TLE4: variants seen among roughly 807,000 people sequenced by gnomAD.
TLE4 encodes transducin-like enhancer protein 4.
TLE4 carries 8 observed loss-of-function variants against 92.8 expected under a neutral mutation model. That is an observed-to-expected ratio of 0.09 (90% CI 0.05 to 0.16). TLE4 has a LOEUF of 0.16. Ranked by LOEUF, TLE4 falls within the 10% of genes least tolerant of loss-of-function variation. TLE4 has a pLI of 1.00. For synonymous variants in TLE4, 371 were observed against 374.1 expected (o/e 0.99, Z 0.10); for missense variants, 675 against 997.6 (o/e 0.68, Z 4.36).
At chr9:79,718,615 A>G in intron 14 of TLE4, 107 bp from the exon 15 acceptor site, 3 of 1,422,810 alleles carry the variant, frequency 2.1e-6, no homozygotes, top group Non-Finnish European at 2.8e-6. Flanking sequence ...TTGTTCGTAA[A>G]TCACAAGTGG....
At chr9:79,631,161 T>C (rs565875998) in intron 6 of TLE4, among the ~76,000 whole-genome samples, 1 of 152,296 alleles carries the variant, frequency 6.6e-6, no homozygotes, top group Non-Finnish European at 1.5e-5. Flanking sequence ...TTGCCATCAA[T>C]TGTGAAGGCA....
chr9:79,591,219 TG>T (rs1183005000), intron 4 of TLE4, among the ~76,000 whole-genome samples: 1 of 152,214 alleles, frequency 6.6e-6, no homozygotes, highest in Non-Finnish European at 1.5e-5. Flanking sequence ...GGGGTCTTTC[TG>T]GCTCCTTGAG....
chr9:79,692,939 C>T (rs1000435094), intron 8 of TLE4, among the ~76,000 whole-genome samples: 2 of 152,098 alleles, frequency 1.3e-5, no homozygotes, highest in African/African-American at 2.4e-5. Context: ...TCCTTATCTC[C>T]GTTTTATAGG....
rs151306021 is a variant in TLE4 at position 79,632,411 on chromosome 9, C to T, written c.390+4963C>T. Among the ~76,000 whole-genome samples the T allele has an allele frequency of 3.4e-3, 521 of 152,228 alleles. 1 individual carries two copies. The highest frequency in any genetic ancestry group is 9.2e-3 in the Admixed American group (140 of 15,290). On this transcript the variant is annotated intron_variant, in intron 6 of 19. Transcript: ENST00000376552. ...TTCCGTGGTTCACTATTCATAGGCC[C>T]GTACTCCTGTTCTGTGATCATTTCA... is the stretch of plus-strand genomic sequence containing the variant.
At chr9:79,669,237 C>G (rs1341843168) in intron 8 of TLE4, among the ~76,000 whole-genome samples, 1 of 152,048 alleles carries the variant, frequency 6.6e-6, no homozygotes, top group East Asian at 1.9e-4. Context: ...AGAGATAGGT[C>G]CCTCTGAACA....
chr9:79,720,015 A>T (rs765811422), intron 15 of TLE4, 31 bp from the exon 16 acceptor site: 110 of 1,578,268 alleles, frequency 7.0e-5, no homozygotes, highest in Middle Eastern at 3.4e-4. Context: ...TTTCCTCATG[A>T]GTAATCTCTT....
intron 6 of TLE4, among the ~76,000 whole-genome samples, chr9:79,648,592 G>C (rs1037168888): frequency 6.6e-6 from 1 of 152,154 alleles, no homozygotes; most frequent in African/African-American, 2.4e-5. Flanking sequence ...AAGCAGTAAG[G>C]GTTCATTGTA....
chr9:79,583,265 T>C (rs142055527), intron 4 of TLE4, among the ~76,000 whole-genome samples: 7 of 152,224 alleles, frequency 4.6e-5, no homozygotes, highest in Admixed American at 4.6e-4. Context: ...CATCCAGGGG[T>C]GACACATGGG....
At chr9:79,574,435 T>C (rs1174286927) in intron 2 of TLE4, among the ~76,000 whole-genome samples, 1 of 152,214 alleles carries the variant, frequency 6.6e-6, no homozygotes, top group Non-Finnish European at 1.5e-5. Context: ...CAAGATATCA[T>C]TCATAAGACA....
intron 5 of TLE4, among the ~76,000 whole-genome samples, chr9:79,617,854 T>C (rs2050025135): frequency 6.6e-6 from 1 of 151,756 alleles, no homozygotes; most frequent in African/African-American, 2.4e-5. Context: ...AAAAAGCTTG[T>C]TTCTCTCTCA....
chr9:79,718,077 C>G (rs978123234), intron 14 of TLE4: 1 of 456,376 alleles, frequency 2.2e-6, no homozygotes, highest in Non-Finnish European at 4.4e-6. Context: ...CACAGGTAGG[C>G]CTTTGGGGCT....
intron 8 of TLE4, among the ~76,000 whole-genome samples, chr9:79,654,741 G>A (rs2059526439): frequency 6.6e-6 from 1 of 152,142 alleles, no homozygotes; most frequent in Non-Finnish European, 1.5e-5. Context: ...ATGTGCTAAG[G>A]ATACCTGAAG....
rs375635292 is a variant in TLE4 at position 79,621,591 on chromosome 9, T to G, written c.316-5783T>G. Among the ~76,000 whole-genome samples the G allele has an allele frequency of 2.6e-5, 4 of 152,098 alleles. No homozygotes were observed. In the East Asian group the frequency reaches 7.7e-4, roughly 29 times the overall value. On this transcript the variant is annotated intron_variant, in intron 5 of 19. Transcript: ENST00000376552. ...CAGGAGGTGATCAAGGAGAGACTGG[T>G]TAGGGTGTGACAGAGGAGATTGATT...
intron 8 of TLE4, among the ~76,000 whole-genome samples, chr9:79,677,690 G>A (rs2063537348): frequency 6.7e-6 from 1 of 149,722 alleles, no homozygotes; most frequent in Admixed American, 6.7e-5. Flanking sequence ...TTCTTTTGTG[G>A]AAACAAACTT....
chr9:79,704,035 A>AAAAAC (rs202052208), intron 8 of TLE4, among the ~76,000 whole-genome samples: 4 of 152,118 alleles, frequency 2.6e-5, no homozygotes, highest in Non-Finnish European at 4.4e-5. Flanking sequence ...AGCAAACTTT[A>AAAAAC]AAAACAAAAC....
intron 8 of TLE4, among the ~76,000 whole-genome samples, chr9:79,670,823 T>C (rs2062186203): frequency 6.6e-6 from 1 of 152,162 alleles, no homozygotes; most frequent in Non-Finnish European, 1.5e-5. Flanking sequence ...TCTCTATCTG[T>C]GTAACATGGG....
In TLE4 at chr9:79,718,875, C is replaced by A. The variant is rs1197745684; in HGVS notation, c.1494C>A (p.Pro498=). 6.2e-6 allele frequency: 10 copies of A among 1,614,156 alleles called. No individual in the cohort carries two copies. The East Asian group carries it at 2.2e-4, about 36-fold the overall frequency. Residue 498 remains proline, a synonymous_variant, in exon 15 of 20, where the codon CCC becomes CCA. Transcript: ENST00000376552. ...TGTGCGCGGTGACCATCAGCAACCCCACGAGACACGTGTACACGGGTGGGA... is the reference window on the plus strand; with the variant it reads ...TGTGCGCGGTGACCATCAGCAACCCAACGAGACACGTGTACACGGGTGGGA... The part of the protein sequence containing the change: ...EVVCAVTISN[P]TRHVYTGGKG...
Position 79,706,922 on chromosome 9 carries a change from T to C in TLE4, c.936+23T>C, listed in dbSNP as rs747620290. ...CTTGTAAGCAGCTCCTTACCATCTC[T>C]CTGAGTGTGGCCTCTGCCAATTTGA... On this transcript the variant is annotated intron_variant, in intron 11 of 19. Coordinates refer to ENST00000376552, the MANE Select transcript of TLE4 (RefSeq NM_007005.6). 3 of 1,609,414 alleles carry C rather than the reference T, an allele frequency of 1.9e-6. No homozygotes were observed. In the East Asian group the frequency reaches 6.7e-5, roughly 36 times the overall value.
In TLE4 at chr9:79,651,773, T is replaced by C. The variant is rs553351603; in HGVS notation, c.391-820T>C. Among the ~76,000 whole-genome samples, 8 of 152,326 alleles carry C rather than the reference T, an allele frequency of 5.3e-5. No individual in the cohort carries two copies. In the South Asian group the frequency reaches 1.7e-3, roughly 32 times the overall value. On this transcript the variant is annotated intron_variant, in intron 6 of 19. Transcript: ENST00000376552. ...CAACCAGTTTCCTTTTCTGGGTTGT[T>C]AATTCAGGTTTTCTCTTTCAAATTA...
Sources: gnomAD v4.1 joint callset for allele counts (sites outside exome capture counted in the v4.1 genomes callset) on GRCh38, gnomAD v4.1.1 for gene constraint, MANE v1.5 for transcripts, NCBI Gene and HGNC (gene_info 2026-07-23, HGNC 2026-07-21) for gene names.